WDR76: variants seen among roughly 807,000 people sequenced by gnomAD.
The protein encoded by WDR76 is WD repeat-containing protein 76.
WDR76 carries 52 observed loss-of-function variants against 70.2 expected under a neutral mutation model. The ratio of observed to expected loss-of-function variants is 0.74; its 90% CI spans 0.59 to 0.93. The LOEUF is 0.93. Among genes scored for constraint, WDR76 ranks in the 40% least tolerant of loss-of-function variants. The pLI is 0.00. For missense variants in WDR76, 756 were observed against 760.2 expected, an observed-to-expected ratio of 0.99 and a Z score of 0.07; for synonymous variants, 292 against 271.1, an observed-to-expected ratio of 1.08 and a Z score of -0.76.
At chr15:43,851,799 G>C (rs1250956950) in intron 9 of WDR76, among the ~76,000 whole-genome samples, 1 of 152,186 alleles carries the variant, frequency 6.6e-6, no homozygotes, top group Non-Finnish European at 1.5e-5. Flanking sequence ...GCTGAGCTTG[G>C]TGGTGTGTGC....
intron 3 of WDR76, 114 bp downstream of exon 3, chr15:43,835,264 C>T (rs1277385497): frequency 7.0e-6 from 6 of 859,074 alleles, no homozygotes; most frequent in African/African-American, 1.7e-5. Context: ...GCCAGGAGTT[C>T]GAGATCAGCC....
chr15:43,847,445 C>G lies in WDR76; in HGVS notation c.1032+3391C>G, dbSNP rs28476182. 1.3e-4 allele frequency among the ~76,000 whole-genome samples: 20 copies of G among 148,618 alleles called. 1 individual carries two copies. In the South Asian group the frequency reaches 1.9e-3, roughly 14 times the overall value. On this transcript the variant is annotated intron_variant, in intron 8 of 12. Transcript: ENST00000263795. ...CTGGCTAATTTTTTTTTTTTTGAGA[C>G]GAGTCTTGCTCTGTTGCCCAGGCTG...
chr15:43,866,014 A>G, intron 12 of WDR76, 114 bp from the exon 13 acceptor site: 1 of 1,299,726 alleles, frequency 7.7e-7, no homozygotes, highest in South Asian at 1.5e-5. Context: ...ACTTAATGAG[A>G]AGAAACTTGG....
In WDR76 at chr15:43,828,094, C is replaced by T; in HGVS notation, c.190C>T (p.Leu64Phe). 1 of 1,614,160 alleles carries T rather than the reference C, an allele frequency of 6.2e-7. No homozygotes were observed. The highest frequency in any genetic ancestry group is 8.5e-7 in the Non-Finnish European group (1 of 1,180,034). Residue 64 changes from leucine to phenylalanine, a missense_variant, in exon 2 of 13, where the codon CTT becomes TTT. By Grantham distance (22) the Leu-to-Phe change is conservative (BLOSUM62 0). Coordinates refer to ENST00000263795, the MANE Select transcript of WDR76 (RefSeq NM_024908.4). The stretch of plus-strand genomic sequence containing the variant: ...ACTCAGTAATTACCAGCTAGACCAG[C>T]TTATGTGCCCCAAATCCCTATCAGA... ...FSLSNYQLDQ[L>F]MCPKSLSEKN...
intron 7 of WDR76, 116 bp downstream of exon 7, chr15:43,842,787 T>TGTTG: frequency 1.1e-6 from 1 of 947,662 alleles, no homozygotes; most frequent in South Asian, 1.7e-5. Flanking sequence ...CCCTAACAAC[T>TGTTG]GTTGTTTTTG....
chr15:43,840,120 A>G (rs1047083888), intron 5 of WDR76, among the ~76,000 whole-genome samples: 3 of 152,124 alleles, frequency 2.0e-5, no homozygotes, highest in Admixed American at 2.0e-4. Flanking sequence ...CGGCCTCCCA[A>G]AGTGCTGGGA....
At chr15:43,832,772 A>G (rs1378496689) in intron 2 of WDR76, among the ~76,000 whole-genome samples, 1 of 10,168 alleles carries the variant, frequency 9.8e-5, no homozygotes, top group African/African-American at 1.4e-4. Flanking sequence ...TTTTTTTTTG[A>G]GACAGTCTCG....
chr15:43,844,979 G>A (rs1297393540), intron 8 of WDR76, among the ~76,000 whole-genome samples: 1 of 117,960 alleles, frequency 8.5e-6, no homozygotes, highest in Non-Finnish European at 1.8e-5. Flanking sequence ...TTCTTTTTTT[G>A]GAGAGGGAGT....
chr15:43,843,869 AC>A (rs2087754790), intron 7 of WDR76, 31 bp from the exon 8 acceptor site: 1 of 1,522,534 alleles, frequency 6.6e-7, no homozygotes, highest in Non-Finnish European at 8.8e-7. Flanking sequence ...GATTGGTTTT[AC>A]TTACAAAATT....
At position 43,828,196 on chromosome 15, in the gene WDR76, A is replaced by C; in HGVS notation, c.292A>C (p.Met98Leu). 6.2e-7 allele frequency: 1 copy of C among 1,614,236 alleles called. No individual in the cohort carries two copies. The change falls in exon 2 of 13, where the codon ATG becomes CTG. Residue 98 changes from methionine to leucine, a missense_variant. Transcript: ENST00000263795. ...KTCRRIIPPK[M>L]KNTSSKAEST... ...TTGCAGAAGGATTATACCTCCAAAG[A>C]TGAAAAACACATCTTCCAAGGCAGA...
chr15:43,866,033 A>G, intron 12 of WDR76, 95 bp from the exon 13 acceptor site: 1 of 1,433,836 alleles, frequency 7.0e-7, no homozygotes, highest in Non-Finnish European at 9.4e-7. Flanking sequence ...GGCAGAGAAA[A>G]CTAGCATTTA....
Position 43,867,297 on chromosome 15 carries a change from G to T in WDR76, c.*905G>T, listed in dbSNP as rs1016668239. On this transcript the variant is annotated 3_prime_UTR_variant, in exon 13 of 13. Coordinates refer to ENST00000263795, the MANE Select transcript of WDR76 (RefSeq NM_024908.4). The stretch of plus-strand genomic sequence containing the variant: ...TAGATGGCTCCTGAGACACAGGCAG[G>T]ACTCCCAAGCACCGGGTTGGGATCT... The T allele has an allele frequency of 6.6e-6, 1 of 152,090 alleles. No individual in the cohort carries two copies. Among genetic ancestry groups the T allele is most frequent in the Non-Finnish European group, 1.5e-5 (1 of 68,032 alleles). The allele number at this position is 152,090 out of a possible 1,614,324, so 9.4% of individuals were successfully genotyped here.
At chr15:43,833,016 G>A (rs1211229564) in intron 2 of WDR76, among the ~76,000 whole-genome samples, 1 of 151,940 alleles carries the variant, frequency 6.6e-6, no homozygotes, top group Non-Finnish European at 1.5e-5. Flanking sequence ...GCCTCCCAAA[G>A]TGCTGGGATT....
intron 12 of WDR76, among the ~76,000 whole-genome samples, chr15:43,864,640 G>GC (rs1290552636): frequency 2.0e-5 from 3 of 151,548 alleles, no homozygotes; most frequent in Non-Finnish European, 4.4e-5. Flanking sequence ...TGTTGCCCAA[G>GC]CTGGAGTGCA....
At chr15:43,850,473 T>C (rs1169886123) in intron 8 of WDR76, among the ~76,000 whole-genome samples, 1 of 151,638 alleles carries the variant, frequency 6.6e-6, no homozygotes, top group Non-Finnish European at 1.5e-5. Context: ...TTTTTTGTAT[T>C]TTTAGTAGAG....
chr15:43,832,888 G>A lies in WDR76; in HGVS notation c.463-2173G>A, dbSNP rs2087609459. The stretch of plus-strand genomic sequence containing the variant: ...GTGCCTCAGCCTCCCAAGTAGCTGG[G>A]ATTACAGGTGTGCACTACCACACCC... On this transcript the variant is annotated intron_variant, in intron 2 of 12. Transcript: ENST00000263795. Among the ~76,000 whole-genome samples, 4 of 151,252 alleles carry A rather than the reference G, an allele frequency of 2.6e-5. No individual in the cohort carries two copies. In the South Asian group the frequency reaches 8.3e-4, roughly 31 times the overall value.
intron 8 of WDR76, among the ~76,000 whole-genome samples, chr15:43,844,970 T>C (rs1162187460): frequency 7.0e-6 from 1 of 142,118 alleles, no homozygotes; most frequent in Non-Finnish European, 1.6e-5. Flanking sequence ...AGTTTAGTTT[T>C]CTTTTTTTGG....
chr15:43,865,268 G>A (rs1191801141), intron 12 of WDR76, among the ~76,000 whole-genome samples: 1 of 139,268 alleles, frequency 7.2e-6, no homozygotes, highest in Non-Finnish European at 1.6e-5. Context: ...GCTACTTTTT[G>A]TATTTTTATT....
In WDR76 at chr15:43,828,240, A is replaced by C. The variant is rs371775111; in HGVS notation, c.336A>C (p.Ser112=). ...SSKAESTLQN[S]SSAVHTESNK... ...AGGCAGAATCCACGCTGCAAAATTC[A>C]TCCTCAGCTGTTCATACTGAAAGTA... The change falls in exon 2 of 13, where the codon TCA becomes TCC. Residue 112 remains serine, a synonymous_variant. Transcript: ENST00000263795. The C allele has an allele frequency of 3.9e-5, 63 of 1,614,104 alleles. No homozygotes were observed. Among genetic ancestry groups the C allele is most frequent in the Non-Finnish European group, 4.4e-5 (52 of 1,180,040 alleles).
Sources: allele counts gnomAD v4.1 joint callset (sites outside exome capture counted in the v4.1 genomes callset), GRCh38; gene constraint gnomAD v4.1.1; transcripts MANE v1.5; gene names NCBI Gene and HGNC (gene_info 2026-07-23, HGNC 2026-07-21).